Variants in FPGS observed in about 807,000 individuals in gnomAD.
FPGS encodes folylpolyglutamate synthase, also known as folylpolyglutamate synthase, mitochondrial.
In FPGS, 53 loss-of-function variants were observed where a neutral mutation model predicts 66.5. That is an observed-to-expected ratio of 0.80 (90% CI 0.64 to 1.00). FPGS has a LOEUF of 1.00. FPGS is among the 50% of genes least tolerant of loss of function. The pLI, the probability that FPGS is intolerant of heterozygous loss-of-function variation, is 0.00. For synonymous variants in FPGS, 348 were observed against 350.9 expected, an observed-to-expected ratio of 0.99 and a Z score of 0.09; for missense variants, 702 against 807.7, an observed-to-expected ratio of 0.87 and a Z score of 1.59.
At chr9:127,803,325 A>G (rs937291105) in intron 1 of FPGS, 13 of 1,196,896 alleles carry the variant, frequency 1.1e-5, no homozygotes, top group Non-Finnish European at 1.3e-5. Context: ...GCTAGGATCC[A>G]GAAGCCCAGA....
intron 14 of FPGS, among the ~76,000 whole-genome samples, chr9:127,811,399 G>A (rs557849723): frequency 5.2e-4 from 79 of 152,030 alleles, no homozygotes; most frequent in African/African-American, 1.7e-3. Context: ...GGAGAATGGC[G>A]TGAACTCGGG....
At chr9:127,806,468 T>G (rs1829812340) in intron 4 of FPGS, 1 of 160,792 alleles carries the variant, frequency 6.2e-6, no homozygotes, top group South Asian at 1.7e-4. Context: ...ATTGCACCAC[T>G]GCACTCCAGC....
intron 4 of FPGS, among the ~76,000 whole-genome samples, chr9:127,805,237 T>C (rs1829762250): frequency 6.6e-6 from 1 of 152,022 alleles, no homozygotes; most frequent in Admixed American, 6.6e-5. Context: ...GCAACTTTAA[T>C]GTATAAACTA....
At chr9:127,808,062 C>T (rs1410318198) in intron 8 of FPGS, 172 bp from the exon 9 acceptor site, 2 of 602,594 alleles carry the variant, frequency 3.3e-6, no homozygotes, top group Non-Finnish European at 5.9e-6. Context: ...GCCGAGATTG[C>T]GCCACAGCAC....
chr9:127,807,356 TC>T lies in FPGS; in HGVS notation c.580-62del. On this transcript the variant is annotated intron_variant, in intron 6 of 14. Coordinates refer to ENST00000373247, the MANE Select transcript of FPGS (RefSeq NM_004957.6). The surrounding 1 kb of genome is among the most constrained non-coding windows in gnomAD (Gnocchi z 5.8). ...CGGGAACCTCAGCAGGCCTGGGGGCTCCCTGCTTCCATGCGGCCTCTGGGCA... is the reference window on the plus strand; with the variant it reads ...CGGGAACCTCAGCAGGCCTGGGGGCTCCTGCTTCCATGCGGCCTCTGGGCA... 1 of 1,611,212 alleles carries T rather than the reference TC, an allele frequency of 6.2e-7. No homozygotes were observed. The highest frequency in any genetic ancestry group is 8.5e-7 in the Non-Finnish European group (1 of 1,177,540).
chr9:127,803,057 T>C lies in FPGS; in HGVS notation c.133T>C (p.Tyr45His). ...WPVPQEPSME[Y>H]QDAVRMLNTL... The stretch of plus-strand genomic sequence containing the variant: ...GGTGCCGCAGGAGCCGAGCATGGAG[T>C]ACCAGGTATCAGGCGGGCCAGCGGG... The change falls in exon 1 of 15, where the codon TAC becomes CAC. Residue 45 changes from tyrosine to histidine, a missense_variant. Physicochemically the swap from Tyr to His is moderately conservative, Grantham distance 83. Around this residue, in one of 3 missense-constraint regions of FPGS, gnomAD observed 111 missense variants for 95.4 expected, o/e 1.16. Coordinates refer to ENST00000373247, the MANE Select transcript of FPGS (RefSeq NM_004957.6). 1.4e-6 allele frequency: 2 copies of C among 1,410,342 alleles called. No homozygotes were observed. Among genetic ancestry groups the C allele is most frequent in the Non-Finnish European group, 1.8e-6 (2 of 1,088,704 alleles). 87.4% of individuals were successfully genotyped at this position (1,410,342 alleles called of 1,614,324 possible).
intron 11 of FPGS, 35 bp from the exon 12 acceptor site, chr9:127,809,649 A>C: frequency 6.4e-7 from 1 of 1,552,932 alleles, no homozygotes. Context: ...GGGGTGGGAG[A>C]GGGCCTGGAG....
At chr9:127,803,205 G>A in intron 1 of FPGS, 143 bp downstream of exon 1, 1 of 1,254,138 alleles carries the variant, frequency 8.0e-7, no homozygotes, top group Non-Finnish European at 1.0e-6. Context: ...ACATCCTGGA[G>A]GCTGGGGGTG....
downstream of FPGS, chr9:127,814,224 A>G (rs983883697): frequency 1.1e-6 from 1 of 911,346 alleles, no homozygotes; most frequent in African/African-American, 1.8e-5. Flanking sequence ...TGTCTGTGAG[A>G]TGAGAAGAAG....
At position 127,804,528 on chromosome 9, in the gene FPGS, C is replaced by G; in HGVS notation, c.297C>G (p.Ile99Met). 1 of 1,614,184 alleles carries G rather than the reference C, an allele frequency of 6.2e-7. No homozygotes were observed. Among genetic ancestry groups the G allele is most frequent in the Non-Finnish European group, 8.5e-7 (1 of 1,180,016 alleles). ...AGGACTTGGACCGGCTGAACATCAT[C>G]CACGTCACTGGGACGAAGGGGAAGG... Reference protein sequence around the residue: ...QVEDLDRLNIIHVTGTKGKGS... With the variant: ...QVEDLDRLNIMHVTGTKGKGS... The change falls in exon 3 of 15, where the codon ATC becomes ATG. Residue 99 changes from isoleucine to methionine, a missense_variant. By Grantham distance (10) the Ile-to-Met change is conservative. Transcript: ENST00000373247.
At chr9:127,811,307 T>C (rs1376891810) in intron 14 of FPGS, among the ~76,000 whole-genome samples, 17 of 150,872 alleles carry the variant, frequency 1.1e-4, no homozygotes. Context: ...TGAAACCCCG[T>C]CTCTACAAAA....
Position 127,808,279 on chromosome 9 carries a change from G to C in FPGS, c.790G>C (p.Ala264Pro). ...TGTGCTCCAACCTGAAGGTCCCCTG[G>C]CAGTGCTGAGGGACCGAGCCCAGCA... Reference protein sequence around the residue: ...FTVLQPEGPLAVLRDRAQQIS... With the variant: ...FTVLQPEGPLPVLRDRAQQIS... Residue 264 changes from alanine (A) to proline (P), a missense_variant, in exon 9 of 15, where the codon GCA becomes CCA. By Grantham distance (27) the Ala-to-Pro change is conservative (BLOSUM62 -1). This residue lies in a region of FPGS where 240 missense variants were observed against 348.6 expected (regional missense o/e 0.69). Coordinates refer to ENST00000373247, the MANE Select transcript of FPGS (RefSeq NM_004957.6). The C allele has an allele frequency of 6.2e-7, 1 of 1,614,090 alleles. No homozygotes were observed.
rs563131884 is a variant in FPGS, at chr9:127,808,419, C to T, written c.822+108C>T. On this transcript the variant is annotated intron_variant, in intron 9 of 14. Coordinates refer to ENST00000373247, the MANE Select transcript of FPGS (RefSeq NM_004957.6). ...AGTTTGCCCATCTGTGCAGTGAGGA[C>T]GCTGGGCCAGCTGCCAGGCCTGCTG... is the stretch of plus-strand genomic sequence containing the variant. The T allele has an allele frequency of 5.8e-5, 87 of 1,492,634 alleles. 1 individual carries two copies. The highest frequency in any genetic ancestry group is 1.3e-4 in the South Asian group (11 of 86,936). The allele number at this position is 1,492,634 out of a possible 1,614,324, so 92.5% of individuals were successfully genotyped here. A position where few individuals can be genotyped will look rare whatever the true frequency, so the allele number is the denominator to read the frequency against.
chr9:127,806,451 A>G (rs1180535042), intron 4 of FPGS: 1 of 156,816 alleles, frequency 6.4e-6, no homozygotes, highest in Non-Finnish European at 1.4e-5. Flanking sequence ...GGTTGCAGTG[A>G]GCCAAGATTG....
chr9:127,807,996 C>T lies in FPGS; in HGVS notation c.745-238C>T, dbSNP rs1588556506. The T allele has an allele frequency of 1.2e-5, 7 of 576,648 alleles. No homozygotes were observed. The East Asian group carries it at 2.0e-4, about 17-fold the overall frequency. 35.7% of individuals were successfully genotyped at this position (576,648 alleles called of 1,614,324 possible). A position where few individuals can be genotyped will look rare whatever the true frequency, so the allele number is the denominator to read the frequency against. On this transcript the variant is annotated intron_variant, in intron 8 of 14. Coordinates refer to ENST00000373247, the MANE Select transcript of FPGS (RefSeq NM_004957.6). The surrounding 1 kb of genome is among the most constrained non-coding windows in gnomAD (Gnocchi z 5.8). The stretch of plus-strand genomic sequence containing the variant: ...TGGTGTACGCCTGTAGTTCCAGCTA[C>T]TTGGGAGACTGAGGCAGGAGAATCA...
In FPGS at chr9:127,802,982, C is replaced by G; in HGVS notation, c.58C>G (p.Arg20Gly). The G allele has an allele frequency of 1.4e-6, 2 of 1,462,740 alleles. No individual in the cohort carries two copies. The highest frequency in any genetic ancestry group is 1.8e-6 in the Non-Finnish European group (2 of 1,116,668). 90.6% of individuals were successfully genotyped at this position (1,462,740 alleles called of 1,614,324 possible). Residue 20 changes from arginine to glycine, a missense_variant, in exon 1 of 15, where the codon CGC becomes GGC. Around this residue, in one of 3 missense-constraint regions of FPGS, gnomAD observed 111 missense variants for 95.4 expected, o/e 1.16. Coordinates refer to ENST00000373247, the MANE Select transcript of FPGS (RefSeq NM_004957.6). ...AALFLAAASA[R>G]GITTQVAARR... ...TCTATTCCTGGCAGCGGCGTCTGCG[C>G]GCGGCATAACGACCCAGGTCGCGGC...
rs1829882860 is a variant in FPGS, at chr9:127,807,870, T to C, written c.744+182T>C. The C allele has an allele frequency of 3.4e-6, 2 of 579,720 alleles. No individual in the cohort carries two copies. Among genetic ancestry groups the C allele is most frequent in the Non-Finnish European group, 6.0e-6 (2 of 330,704 alleles). 35.9% of individuals were successfully genotyped at this position (579,720 alleles called of 1,614,324 possible). On this transcript the variant is annotated intron_variant, in intron 8 of 14. Coordinates refer to ENST00000373247, the MANE Select transcript of FPGS (RefSeq NM_004957.6). The surrounding 1 kb of genome is among the most constrained non-coding windows in gnomAD (Gnocchi z 5.8). ...CTTGCAATCCCAGCATTTCAGGAGG[T>C]CGAGGTGAGAGGATCACCTGAGATC...
Position 127,803,075 on chromosome 9 carries a change from C to A in FPGS, c.138+13C>A. On this transcript the variant is annotated intron_variant, in intron 1 of 14. Coordinates refer to ENST00000373247, the MANE Select transcript of FPGS (RefSeq NM_004957.6). ...CATGGAGTACCAGGTATCAGGCGGG[C>A]CAGCGGGCCAGCGGGCCTGGGCGCG... The A allele has an allele frequency of 7.3e-7, 1 of 1,373,800 alleles. No homozygotes were observed. The highest frequency in any genetic ancestry group is 9.3e-7 in the Non-Finnish European group (1 of 1,069,736). 85.1% of individuals were successfully genotyped at this position (1,373,800 alleles called of 1,614,324 possible).
In FPGS at chr9:127,811,001, A is replaced by G. The variant is rs1288079014; in HGVS notation, c.1344A>G (p.Thr448=). 7 of 1,588,132 alleles carry G rather than the reference A, an allele frequency of 4.4e-6. No homozygotes were observed. Among genetic ancestry groups the G allele is most frequent in the Non-Finnish European group, 6.0e-6 (7 of 1,164,932 alleles). The change falls in exon 14 of 15, where the codon ACA becomes ACG. Residue 448 remains threonine (T), a synonymous_variant. Transcript: ENST00000373247. ...CTAACCTGACAGAGGTGTCATCCACAGGCAACGCAGGTGAGAGGTGACAGG... is the reference window on the plus strand; with the variant it reads ...CTAACCTGACAGAGGTGTCATCCACGGGCAACGCAGGTGAGAGGTGACAGG... ...FCPNLTEVSS[T]GNADQQNFTV... is the part of the protein sequence containing the mutation.
Sources: gnomAD v4.1 joint callset for allele counts (sites outside exome capture counted in the v4.1 genomes callset) on GRCh38, gnomAD v4.1.1 for gene constraint, gnomAD v4.1.1 regional missense constraint, Gnocchi (gnomAD v3.1) non-coding constraint, MANE v1.5 for transcripts, NCBI Gene and HGNC (gene_info 2026-07-23, HGNC 2026-07-21) for gene names.